ADAMTS6: variants seen among roughly 807,000 people sequenced by gnomAD.
The protein encoded by ADAMTS6 is ADAM metallopeptidase with thrombospondin type 1 motif 6.
Under a neutral mutation model 144.3 loss-of-function variants are expected in ADAMTS6, and 23 were observed. The ratio of observed to expected loss-of-function variants is 0.16; its 90% confidence interval spans 0.11 to 0.23. The LOEUF is 0.23. ADAMTS6 is among the 10% of genes least tolerant of loss of function. The pLI is 1.00. For synonymous variants in ADAMTS6, 444 were observed against 457.5 expected, an observed-to-expected ratio of 0.97 and a Z score of 0.38; for missense variants, 999 against 1,379.6, an observed-to-expected ratio of 0.72 and a Z score of 4.37.
At chr5:65,285,109 A>G (rs894398396) in intron 11 of ADAMTS6, among the ~76,000 whole-genome samples, 10 of 152,158 alleles carry the variant, frequency 6.6e-5, no homozygotes, top group Non-Finnish European at 1.5e-4. Context: ...ATTTTCTAAC[A>G]TGGGTTTTCC....
chr5:65,179,019 T>C (rs1754163916), intron 22 of ADAMTS6, among the ~76,000 whole-genome samples: 1 of 146,742 alleles, frequency 6.8e-6, no homozygotes. Context: ...CGCTAACGCC[T>C]ACAAAGTGAC....
At chr5:65,438,418 C>A (rs899298515) in intron 7 of ADAMTS6, among the ~76,000 whole-genome samples, 2 of 152,108 alleles carry the variant, frequency 1.3e-5, no homozygotes, top group African/African-American at 4.8e-5. Flanking sequence ...ATCCCAGCTA[C>A]TTGGGAGGCT....
At chr5:65,217,192 C>T (rs1756994664) in intron 18 of ADAMTS6, among the ~76,000 whole-genome samples, 1 of 152,128 alleles carries the variant, frequency 6.6e-6, no homozygotes, top group Non-Finnish European at 1.5e-5. Flanking sequence ...AATACCTGGC[C>T]TTGAACTTTT....
intron 7 of ADAMTS6, among the ~76,000 whole-genome samples, chr5:65,341,144 A>G (rs1013237430): frequency 2.6e-5 from 4 of 152,030 alleles, no homozygotes; most frequent in Non-Finnish European, 5.9e-5. Context: ...TAAAATTTTA[A>G]AATTTCTTGA....
chr5:65,250,972 A>G (rs903523497), intron 14 of ADAMTS6, among the ~76,000 whole-genome samples: 1 of 152,214 alleles, frequency 6.6e-6, no homozygotes, highest in African/African-American at 2.4e-5. Context: ...TACTTAAAAT[A>G]GTTACAATAT....
intron 1 of ADAMTS6, among the ~76,000 whole-genome samples, chr5:65,475,026 T>C (rs1335611933): frequency 2.0e-5 from 3 of 151,966 alleles, no homozygotes; most frequent in African/African-American, 7.2e-5. Flanking sequence ...GTTAGGAAAG[T>C]ACACAAAAGA....
At chr5:65,379,029 A>G (rs1323168423) in intron 7 of ADAMTS6, among the ~76,000 whole-genome samples, 1 of 152,216 alleles carries the variant, frequency 6.6e-6, no homozygotes, top group Non-Finnish European at 1.5e-5. Context: ...TTTCATAATT[A>G]TAAGATACAT....
intron 24 of ADAMTS6, among the ~76,000 whole-genome samples, chr5:65,168,167 A>G (rs1753325007): frequency 6.8e-6 from 1 of 147,404 alleles, no homozygotes; most frequent in African/African-American, 2.5e-5. Flanking sequence ...CCTTAAGCTG[A>G]TAAGCAACTT....
At chr5:65,336,693 A>G (rs925581237) in intron 7 of ADAMTS6, among the ~76,000 whole-genome samples, 1 of 152,114 alleles carries the variant, frequency 6.6e-6, no homozygotes, top group Admixed American at 6.6e-5. Context: ...CTTATAAAAT[A>G]AGGAATATGA....
At chr5:65,332,912 T>C (rs1358615988) in intron 8 of ADAMTS6, among the ~76,000 whole-genome samples, 1 of 152,120 alleles carries the variant, frequency 6.6e-6, no homozygotes, top group Non-Finnish European at 1.5e-5. Flanking sequence ...ATTGGCTATT[T>C]GAGATTTCTT....
At chr5:65,462,380 TCAGAAGC>T (rs1759694962) in intron 3 of ADAMTS6, among the ~76,000 whole-genome samples, 2 of 152,128 alleles carry the variant, frequency 1.3e-5, no homozygotes, top group African/African-American at 4.8e-5. Context: ...AAAAATGAAG[TCAGAAGC>T]CTGGTAAGTA....
chr5:65,272,058 G>A (rs930796843), intron 12 of ADAMTS6, among the ~76,000 whole-genome samples: 1 of 152,128 alleles, frequency 6.6e-6, no homozygotes, highest in Non-Finnish European at 1.5e-5. Flanking sequence ...ATGGCACTAG[G>A]TCATGGGTCC....
chr5:65,177,580 C>T (rs112521217), intron 22 of ADAMTS6, among the ~76,000 whole-genome samples: 1 of 152,160 alleles, frequency 6.6e-6, no homozygotes, highest in Admixed American at 6.6e-5. Flanking sequence ...GTAGTTGGTC[C>T]AACATTCTGT....
At chr5:65,359,526 T>C (rs2150102227) in intron 7 of ADAMTS6, among the ~76,000 whole-genome samples, 1 of 152,280 alleles carries the variant, frequency 6.6e-6, no homozygotes, top group Admixed American at 6.5e-5. Flanking sequence ...GTAACTACCA[T>C]AGGATCCAGC....
At chr5:65,231,289 G>T (rs1390934334) in intron 15 of ADAMTS6, among the ~76,000 whole-genome samples, 2 of 151,876 alleles carry the variant, frequency 1.3e-5, no homozygotes, top group African/African-American at 4.8e-5. Context: ...AAGAGACAAA[G>T]AAAGTCATTA....
At chr5:65,404,378 G>A (rs1671379776) in intron 7 of ADAMTS6, among the ~76,000 whole-genome samples, 1 of 152,074 alleles carries the variant, frequency 6.6e-6, no homozygotes. Flanking sequence ...TGCCACCTAT[G>A]AGTGAGAACA....
At chr5:65,464,355 T>C (rs746604061) in intron 3 of ADAMTS6, among the ~76,000 whole-genome samples, 3 of 152,202 alleles carry the variant, frequency 2.0e-5, no homozygotes, top group Non-Finnish European at 4.4e-5. Context: ...AATAAGATAT[T>C]CAGTGGCTCT....
chr5:65,318,054 G>A (rs1745185182), intron 9 of ADAMTS6, among the ~76,000 whole-genome samples: 1 of 133,666 alleles, frequency 7.5e-6, no homozygotes, highest in Admixed American at 8.1e-5. Flanking sequence ...CAGCTTGGGT[G>A]ACAGAGCAAG....
At chr5:65,314,152 A>C (rs531324473) in intron 9 of ADAMTS6, among the ~76,000 whole-genome samples, 1 of 152,126 alleles carries the variant, frequency 6.6e-6, no homozygotes, top group Non-Finnish European at 1.5e-5. Flanking sequence ...ATAGATAATT[A>C]ATGTGTGCAG....
Sources: gnomAD v4.1 joint callset for allele counts (sites outside exome capture counted in the v4.1 genomes callset) on GRCh38, gnomAD v4.1.1 for gene constraint, MANE v1.5 for transcripts, NCBI Gene and HGNC (gene_info 2026-07-23, HGNC 2026-07-21) for gene names.